Variants in HS6ST2 observed in about 807,000 individuals in gnomAD.
HS6ST2 encodes the protein heparan sulfate 6-O-sulfotransferase 2.
HS6ST2 carries 17 observed loss-of-function variants against 33.0 expected under a neutral mutation model. The observed-to-expected ratio is 0.52, with a 90% confidence interval of 0.35 to 0.77. HS6ST2 has a LOEUF of 0.77. HS6ST2 is among the 30% of genes least tolerant of loss of function. The probability of loss-of-function intolerance (pLI) is 0.01; values close to 1 mark genes in which losing one functional copy is unlikely to be tolerated. For synonymous variants in HS6ST2, 248 were observed against 237.1 expected (o/e 1.05, Z -0.42); for missense variants, 519 against 551.7 (o/e 0.94, Z 0.59).
chrX:132,713,448 G>A (rs1410470503), intron 2 of HS6ST2, among the ~76,000 whole-genome samples: 2 of 111,301 alleles, frequency 1.8e-5, no homozygotes, highest in Non-Finnish European at 3.8e-5. Context: ...CCTGGGAAAG[G>A]AACCAGCTTT....
chrX:132,952,637 G>C (rs2067026019), intron 2 of HS6ST2, among the ~76,000 whole-genome samples: 2 of 110,854 alleles, frequency 1.8e-5, no homozygotes, highest in Non-Finnish European at 3.8e-5. Flanking sequence ...AAAAAAAATA[G>C]AATGACCAAA....
intron 3 of HS6ST2, among the ~76,000 whole-genome samples, chrX:132,674,803 G>A (rs1218981489): frequency 6.2e-5 from 7 of 112,065 alleles, no homozygotes; most frequent in Non-Finnish European, 1.1e-4. Flanking sequence ...AAACTGTTGC[G>A]TTCGCATCTA....
At chrX:132,673,309 T>C (rs1189101134) in intron 3 of HS6ST2, among the ~76,000 whole-genome samples, 1 of 112,229 alleles carries the variant, frequency 8.9e-6, no homozygotes, top group Non-Finnish European at 1.9e-5. Context: ...TGGAAAGAAG[T>C]GTCATGATTG....
intron 2 of HS6ST2, among the ~76,000 whole-genome samples, chrX:132,796,080 T>C (rs2065176030): frequency 8.9e-6 from 1 of 111,950 alleles, no homozygotes; most frequent in East Asian, 2.8e-4. Flanking sequence ...GGGCCTGGCA[T>C]GTGGCACTTA....
chrX:132,855,186 T>C (rs1186174953), intron 2 of HS6ST2, among the ~76,000 whole-genome samples: 4 of 111,902 alleles, frequency 3.6e-5, no homozygotes, highest in African/African-American at 1.3e-4. Context: ...CTTCAATCCA[T>C]AGACCAGCAC....
At chrX:132,925,615 G>A (rs1054449701) in intron 2 of HS6ST2, among the ~76,000 whole-genome samples, 2 of 111,737 alleles carry the variant, frequency 1.8e-5, no homozygotes, top group Non-Finnish European at 3.8e-5. Flanking sequence ...AGAAGTGTGT[G>A]AGTGTATAGA....
intron 2 of HS6ST2, among the ~76,000 whole-genome samples, chrX:132,746,183 A>G (rs1360941920): frequency 2.7e-5 from 3 of 111,364 alleles, no homozygotes; most frequent in East Asian, 2.8e-4. Context: ...AAACCAAGCT[A>G]TAGATTGGTG....
At chrX:132,781,799 C>T (rs2065018601) in intron 2 of HS6ST2, among the ~76,000 whole-genome samples, 1 of 111,772 alleles carries the variant, frequency 8.9e-6, no homozygotes, top group African/African-American at 3.3e-5. Context: ...ACAAGAATAG[C>T]ATGGTGGGAA....
At chrX:132,912,436 A>G (rs951139390) in intron 2 of HS6ST2, among the ~76,000 whole-genome samples, 1 of 112,617 alleles carries the variant, frequency 8.9e-6, no homozygotes, top group African/African-American at 3.2e-5. Context: ...ACTCAATACA[A>G]TGCATGATTT....
At chrX:132,799,406 G>T (rs746547831) in intron 2 of HS6ST2, among the ~76,000 whole-genome samples, 5 of 104,556 alleles carry the variant, frequency 4.8e-5, no homozygotes, top group African/African-American at 1.8e-4. Context: ...ACAGGGTCTT[G>T]CCCTGTCATC....
chrX:132,814,776 C>T, intron 2 of HS6ST2, among the ~76,000 whole-genome samples: 1 of 112,003 alleles, frequency 8.9e-6, no homozygotes, highest in Non-Finnish European at 1.9e-5. Flanking sequence ...CCCAGGACAT[C>T]TTGCAAAACC....
chrX:132,816,066 C>T (rs949811135), intron 2 of HS6ST2, among the ~76,000 whole-genome samples: 3 of 111,680 alleles, frequency 2.7e-5, no homozygotes, highest in Non-Finnish European at 3.8e-5. Context: ...CATTACTCAA[C>T]AAATGTTTTT....
chrX:132,861,627 T>A (rs973919720), intron 2 of HS6ST2, among the ~76,000 whole-genome samples: 1 of 112,627 alleles, frequency 8.9e-6, no homozygotes, highest in Non-Finnish European at 1.9e-5. Flanking sequence ...TAAGATGCTA[T>A]CTTGTCATCA....
intron 2 of HS6ST2, among the ~76,000 whole-genome samples, chrX:132,955,651 C>A (rs954643220): frequency 1.8e-5 from 2 of 111,731 alleles, no homozygotes; most frequent in Admixed American, 1.9e-4. Context: ...ACCTTGTGCA[C>A]CCCCTGGACT....
intron 2 of HS6ST2, among the ~76,000 whole-genome samples, chrX:132,777,149 G>A (rs1455372688): frequency 9.6e-6 from 1 of 103,829 alleles, no homozygotes; most frequent in African/African-American, 3.6e-5. Flanking sequence ...CAATGCACAG[G>A]GCAACCCCCT....
chrX:132,708,468 G>A lies in HS6ST2; in HGVS notation c.974C>T (p.Ala325Val). ...AAAATACATTGTTACTTACCTTGCT[G>A]CATCTAGAATCTGAAAAATCCTCCA... ...SRWRIFQILD[A>V]ASKDKRGSPN... Residue 325 changes from alanine to valine, a missense_variant, in exon 3 of 5, where the codon GCA (alanine) becomes GTA (valine). Physicochemically the swap from Ala to Val is moderately conservative, Grantham distance 64. Transcript: ENST00000370833. The A allele has an allele frequency of 1.7e-6, 2 of 1,178,834 alleles. No homozygotes were observed. Among genetic ancestry groups the A allele is most frequent in the East Asian group, 3.1e-5 (1 of 32,661 alleles).
chrX:132,958,538 G>T lies in HS6ST2; in HGVS notation c.65C>A (p.Pro22His). Residue 22 changes from proline (P) to histidine (H), a missense_variant, in exon 1 of 5, where the codon CCC becomes CAC. Physicochemically the swap from Pro to His is moderately conservative, Grantham distance 77. Coordinates refer to ENST00000370833, the MANE Select transcript of HS6ST2 (RefSeq NM_001394073.1). The stretch of plus-strand genomic sequence containing the variant: ...CCGGCGGGGACAGGTGGTGCGGACG[G>T]GCGCTCCTCGCTCCGGTTGCCGCGG... ...EPPRQPERGA[P>H]VRTTCPRRHS... is the part of the protein sequence containing the mutation. The T allele has an allele frequency of 8.4e-7, 1 of 1,184,261 alleles. No homozygotes were observed.
chrX:132,880,946 G>C (rs2066164766), intron 2 of HS6ST2, among the ~76,000 whole-genome samples: 1 of 109,734 alleles, frequency 9.1e-6, no homozygotes, highest in African/African-American at 3.3e-5. Flanking sequence ...TCCCTACAAA[G>C]GACATGCACT....
intron 2 of HS6ST2, among the ~76,000 whole-genome samples, chrX:132,710,679 C>T (rs1404486809): frequency 8.9e-6 from 1 of 111,853 alleles, no homozygotes; most frequent in Non-Finnish European, 1.9e-5. Context: ...AAAGAATTCT[C>T]TTTTGGATTG....
Sources: gnomAD v4.1 joint callset for allele counts (sites outside exome capture counted in the v4.1 genomes callset) on GRCh38, gnomAD v4.1.1 for gene constraint, MANE v1.5 for transcripts, NCBI Gene and HGNC (gene_info 2026-07-23, HGNC 2026-07-21) for gene names.